The following MYH8 variants were observed in gnomAD, a reference collection of about 807,000 sequenced individuals.
The protein encoded by MYH8 is myosin-8.
In MYH8, 168 loss-of-function variants were observed where a neutral mutation model predicts 233.2. The ratio of observed to expected loss-of-function variants is 0.72; its 90% CI spans 0.64 to 0.82. The LOEUF is 0.82. Ranked by LOEUF, MYH8 falls within the 40% of genes least tolerant of loss-of-function variation. The probability of loss-of-function intolerance (pLI) is 0.00; values close to 1 mark genes in which losing one functional copy is unlikely to be tolerated. For missense variants in MYH8, 1,995 were observed against 2,327.8 expected, an observed-to-expected ratio of 0.86 and a Z score of 2.94; for synonymous variants, 785 against 850.6, an observed-to-expected ratio of 0.92 and a Z score of 1.34.
chr17:10,402,325 T>G (rs1769758970), intron 22 of MYH8, among the ~76,000 whole-genome samples: 1 of 152,202 alleles, frequency 6.6e-6, no homozygotes, highest in South Asian at 2.1e-4. Context: ...GAAAAATAAT[T>G]TAAATACATT....
At chr17:10,402,937 G>A (rs1166447737) in intron 22 of MYH8, among the ~76,000 whole-genome samples, 3 of 152,144 alleles carry the variant, frequency 2.0e-5, no homozygotes, top group African/African-American at 7.2e-5. Context: ...TAGGCTAGAG[G>A]TTCTCATGCC....
intron 10 of MYH8, 21 bp from the exon 11 acceptor site, chr17:10,414,316 C>T (rs2072270658): frequency 6.2e-7 from 1 of 1,609,164 alleles, no homozygotes; most frequent in Admixed American, 1.7e-5. Flanking sequence ...GAATTCAGGG[C>T]ATACATTTTA....
rs772296874 is a variant in MYH8 at position 10,418,655 on chromosome 17, G to A, written c.501C>T (p.Phe167=). The A allele has an allele frequency of 1.4e-5, 23 of 1,613,802 alleles. No homozygotes were observed. The highest frequency in any genetic ancestry group is 5.0e-5 in the Admixed American group (3 of 59,996). Residue 167 remains phenylalanine (F), a synonymous_variant, in exon 5 of 40, where the codon TTC becomes TTT. Coordinates refer to ENST00000403437, the MANE Select transcript of MYH8 (RefSeq NM_002472.3). The part of the protein sequence containing the change: ...IFSISDNAYQ[F]MLTDRENQSI... Reference sequence around the variant, plus strand: ...GCCTCACTCACTCACCAGTCAACATGAACTGATAGGCATTGTCAGAGATGG... The same window carrying A: ...GCCTCACTCACTCACCAGTCAACATAAACTGATAGGCATTGTCAGAGATGG...
chr17:10,407,041 T>G, intron 17 of MYH8, 62 bp from the exon 18 acceptor site: 1 of 1,280,268 alleles, frequency 7.8e-7, no homozygotes, highest in Middle Eastern at 1.9e-4. Flanking sequence ...TTTTTGTAAT[T>G]ATATGGAATG....
Position 10,404,523 on chromosome 17 carries a change from C to T in MYH8, c.2495G>A (p.Trp832Ter), listed in dbSNP as rs746586658. ...CTTAATCTTGAAAAAGAGTTTCATCCAGGGCCAGTGCTTGACGTTCATGAA... is the reference window on the plus strand; with the variant it reads ...CTTAATCTTGAAAAAGAGTTTCATCTAGGGCCAGTGCTTGACGTTCATGAA... ...RAFMNVKHWP[W>*]MKLFFKIKPL... Residue 832 changes from tryptophan to a stop codon, truncating the protein, a stop_gained, in exon 22 of 40, where the codon TGG (tryptophan) becomes TAG (stop). Transcript: ENST00000403437. LOFTEE classifies it high-confidence loss of function. The T allele has an allele frequency of 2.5e-6, 4 of 1,613,988 alleles. No individual in the cohort carries two copies. The highest frequency in any genetic ancestry group is 1.3e-5 in the African/African-American group (1 of 75,016).
At position 10,414,371 on chromosome 17, in the gene MYH8, T is replaced by G. The variant is rs543881859; in HGVS notation, c.904+15A>C. 2 of 1,602,226 alleles carry G rather than the reference T, an allele frequency of 1.2e-6. No homozygotes were observed. The highest frequency in any genetic ancestry group is 2.7e-5 in the African/African-American group (2 of 74,794). On this transcript the variant is annotated intron_variant, in intron 10 of 39. Transcript: ENST00000403437. The stretch of plus-strand genomic sequence containing the variant: ...AAATATTAACTTCTATCTATGACTT[T>G]AAGTTCTTTCTTACCAATTAGATCT...
intron 21 of MYH8, among the ~76,000 whole-genome samples, chr17:10,404,969 T>C (rs1441385012): frequency 6.6e-6 from 1 of 152,144 alleles, no homozygotes; most frequent in African/African-American, 2.4e-5. Flanking sequence ...GGCATGGTGA[T>C]TGCATGTTGA....
Position 10,420,080 on chromosome 17 carries a change from C to T in MYH8, c.148G>A (p.Val50Met). The change falls in exon 3 of 40, where the codon GTG becomes ATG. Residue 50 changes from valine (V) to methionine (M), a missense_variant. Val to Met is a conservative substitution (Grantham distance 21, BLOSUM62 1). This residue lies in a region of MYH8 where 479 missense variants were observed against 600.9 expected (regional missense o/e 0.80). Coordinates refer to ENST00000403437, the MANE Select transcript of MYH8 (RefSeq NM_002472.3). The part of the protein sequence containing the change: ...VFVAEPKESY[V>M]KSTIQSKEGG... ...TCTTTGCTTTGTATAGTGCTCTTCA[C>T]ATAGGATTCCTTGGGCTCCGCCACA... 1.9e-6 allele frequency: 3 copies of T among 1,614,244 alleles called. No individual in the cohort carries two copies. Among genetic ancestry groups the T allele is most frequent in the Non-Finnish European group, 2.5e-6 (3 of 1,180,050 alleles).
At chr17:10,404,696 T>C in intron 21 of MYH8, 111 bp from the exon 22 acceptor site, 1 of 1,276,706 alleles carries the variant, frequency 7.8e-7, no homozygotes, top group Non-Finnish European at 1.1e-6. Flanking sequence ...AATAAATATG[T>C]CACATTCTCT....
In MYH8 at chr17:10,419,423, T is replaced by C. The variant is rs1397046912; in HGVS notation, c.211-393A>G. On this transcript the variant is annotated intron_variant, in intron 3 of 39. Transcript: ENST00000403437. This position sits in a 1 kb window ranked among gnomAD's most constrained non-coding sequence, Gnocchi z 4.0. Reference sequence around the variant, plus strand: ...TTGCCTGTATATTTTGGTACAAAACTATAATCACACATACTTCTCATTATA... The same window carrying C: ...TTGCCTGTATATTTTGGTACAAAACCATAATCACACATACTTCTCATTATA... 6.6e-6 allele frequency among the ~76,000 whole-genome samples: 1 copy of C among 152,210 alleles called. No individual in the cohort carries two copies. Among genetic ancestry groups the C allele is most frequent in the African/African-American group, 2.4e-5 (1 of 41,446 alleles).
intron 5 of MYH8, among the ~76,000 whole-genome samples, chr17:10,416,548 G>T (rs2072291883): frequency 6.6e-6 from 1 of 152,112 alleles, no homozygotes; most frequent in South Asian, 2.1e-4. Flanking sequence ...CACAGTGGCT[G>T]ATCATTTTAC....
At chr17:10,412,752 T>C (rs1486595795) in intron 12 of MYH8, 24 bp from the exon 13 acceptor site, 7 of 1,549,922 alleles carry the variant, frequency 4.5e-6, no homozygotes, top group Non-Finnish European at 5.3e-6. Context: ...GTTCAGGACA[T>C]GTTGTTTCAT....
chr17:10,395,461 AT>A lies in MYH8; in HGVS notation c.4654-21del, dbSNP rs1255195811. 2.1e-5 allele frequency: 34 copies of A among 1,612,670 alleles called. No homozygotes were observed. The highest frequency in any genetic ancestry group is 2.8e-5 in the Non-Finnish European group (33 of 1,179,184). ...AGATGCCTTAACAAAACAGTGATCA[AT>A]TAATAATGGAGAAGAACCTGAGTAT... is the stretch of plus-strand genomic sequence containing the variant. On this transcript the variant is annotated intron_variant, in intron 33 of 39. Transcript: ENST00000403437.
intron 33 of MYH8, 142 bp from the exon 34 acceptor site, chr17:10,395,583 AATC>A: frequency 1.2e-6 from 1 of 846,364 alleles, no homozygotes; most frequent in Non-Finnish European, 1.8e-6. Context: ...CTTCTAGGTA[AATC>A]ATTATTTTGT....
At position 10,401,377 on chromosome 17, in the gene MYH8, G is replaced by T. The variant is rs1286173451; in HGVS notation, c.3006C>A (p.Leu1002=). 6.2e-7 allele frequency: 1 copy of T among 1,614,004 alleles called. No individual in the cohort carries two copies. Among genetic ancestry groups the T allele is most frequent in the African/African-American group, 1.3e-5 (1 of 74,976 alleles). ...CCAGGGTCTGCTGGTGGGTCTCTTG[G>T]AGAGCCTTCTTCTCCTTGGACAGTT... is the stretch of plus-strand genomic sequence containing the variant. ...IAKLSKEKKA[L]QETHQQTLDD... is the part of the protein sequence containing the mutation. Residue 1002 remains leucine (L), a synonymous_variant, in exon 24 of 40, where the codon CTC becomes CTA. Transcript: ENST00000403437.
Position 10,415,413 on chromosome 17 carries a change from TG to T in MYH8, c.649-30del, listed in dbSNP as rs753671601. ...CAAAGGAAGGAGCAGTTCTCACATC[TG>T]GGACTCCAGATGTCTGAGAGCCTTG... On this transcript the variant is annotated intron_variant, in intron 7 of 39. Transcript: ENST00000403437. The surrounding 1 kb of genome is among the most constrained non-coding windows in gnomAD (Gnocchi z 4.1). The T allele has an allele frequency of 2.5e-4, 410 of 1,613,422 alleles. 3 individuals are homozygous for T. The highest frequency in any genetic ancestry group is 3.2e-4 in the Non-Finnish European group (376 of 1,179,450).
intron 33 of MYH8, 60 bp from the exon 34 acceptor site, chr17:10,395,501 C>T (rs923040622): frequency 3.7e-5 from 57 of 1,543,966 alleles, no homozygotes; most frequent in Non-Finnish European, 4.4e-5. Flanking sequence ...GAGTATATTC[C>T]CTCGTGAGCC....
Position 10,410,693 on chromosome 17 carries a change from G to A in MYH8, c.1587+84C>T, listed in dbSNP as rs908023953. 3.4e-5 allele frequency: 54 copies of A among 1,601,616 alleles called. No individual in the cohort carries two copies. In the Admixed American group the frequency reaches 8.8e-4, roughly 26 times the overall value. On this transcript the variant is annotated intron_variant, in intron 15 of 39. Coordinates refer to ENST00000403437, the MANE Select transcript of MYH8 (RefSeq NM_002472.3). The stretch of plus-strand genomic sequence containing the variant: ...TTTGTTCAGATCACAAACCATTTGA[G>A]ATTACAGTAATACTTTCTAGAATTG...
At chr17:10,397,261 AT>A (rs752590234) in intron 30 of MYH8, among the ~76,000 whole-genome samples, 6 of 151,008 alleles carry the variant, frequency 4.0e-5, no homozygotes, top group Admixed American at 2.6e-4. Context: ...ATATATGTAT[AT>A]TTTTTTTTAA....
Sources: gnomAD v4.1 joint callset for allele counts (sites outside exome capture counted in the v4.1 genomes callset) on GRCh38, gnomAD v4.1.1 for gene constraint, gnomAD v4.1.1 regional missense constraint, Gnocchi (gnomAD v3.1) non-coding constraint, MANE v1.5 for transcripts, NCBI Gene and HGNC (gene_info 2026-07-23, HGNC 2026-07-21) for gene names.